CD82: variants seen among roughly 807,000 people sequenced by gnomAD.
CD82 encodes CD82 antigen.
In CD82, 36 loss-of-function variants were observed where a neutral mutation model predicts 37.4. The observed-to-expected ratio is 0.96, with a 90% CI of 0.74 to 1.27. The LOEUF is 1.27. Ranked by LOEUF, CD82 falls within the 50% of genes most tolerant of loss-of-function variation. The probability of loss-of-function intolerance (pLI) is 0.00; values close to 1 mark genes in which losing one functional copy is unlikely to be tolerated. For missense variants in CD82, 340 were observed against 347.0 expected (o/e 0.98, Z 0.16); for synonymous variants, 158 against 137.4 (o/e 1.15, Z -1.05).
rs1326323470 is a variant in CD82 at position 44,618,190 on chromosome 11, A to G, written c.467A>G (p.Tyr156Cys). Reference protein sequence around the residue: ...QVKCCGWVSFYNWTDNAELMN... With the variant: ...QVKCCGWVSFCNWTDNAELMN... ...AAGTGCTGCGGCTGGGTCAGCTTCTACAACTGGACAGACAACGCTGAGCTC... is the reference window on the plus strand; with the variant it reads ...AAGTGCTGCGGCTGGGTCAGCTTCTGCAACTGGACAGACAACGCTGAGCTC... Residue 156 changes from tyrosine (Y) to cysteine (C), a missense_variant, in exon 8 of 10, where the codon TAC becomes TGC. By Grantham distance (194) the Tyr-to-Cys change is radical (BLOSUM62 -2). Coordinates refer to ENST00000227155, the MANE Select transcript of CD82 (RefSeq NM_002231.4). The G allele has an allele frequency of 1.2e-6, 2 of 1,613,884 alleles. No homozygotes were observed. The highest frequency in any genetic ancestry group is 1.7e-5 in the Admixed American group (1 of 60,010).
chr11:44,603,027 T>C (rs1853329951), intron 4 of CD82, among the ~76,000 whole-genome samples: 1 of 152,234 alleles, frequency 6.6e-6, no homozygotes, highest in Non-Finnish European at 1.5e-5. Flanking sequence ...TGTTCAGGGC[T>C]GGCACACGGC....
At chr11:44,604,913 G>C in intron 4 of CD82, 145 bp from the exon 5 acceptor site, 1 of 1,148,130 alleles carries the variant, frequency 8.7e-7, no homozygotes, top group Non-Finnish European at 1.3e-6. Context: ...CTGGTTCCCT[G>C]TTGGGCAGTG....
At chr11:44,604,281 C>T (rs186195077) in intron 4 of CD82, 4 of 152,600 alleles carry the variant, frequency 2.6e-5, no homozygotes, top group Admixed American at 6.5e-5. Flanking sequence ...ATTTCTTGGC[C>T]GAATGAACAT....
intron 1 of CD82, among the ~76,000 whole-genome samples, chr11:44,577,050 C>T (rs1284040742): frequency 6.6e-6 from 1 of 152,020 alleles, no homozygotes; most frequent in Non-Finnish European, 1.5e-5. Flanking sequence ...TACAAGGGGC[C>T]CAGGATCCCA....
intron 6 of CD82, among the ~76,000 whole-genome samples, chr11:44,613,223 T>A (rs1443800366): frequency 6.6e-6 from 1 of 152,160 alleles, no homozygotes; most frequent in African/African-American, 2.4e-5. Flanking sequence ...CCTTGACCAG[T>A]CCAACCATGC....
intron 1 of CD82, among the ~76,000 whole-genome samples, chr11:44,577,227 T>TCCCA (rs1852906198): frequency 6.6e-6 from 1 of 152,230 alleles, no homozygotes; most frequent in Non-Finnish European, 1.5e-5. Context: ...CCAGCTCGGC[T>TCCCA]GCTTGCTTCT....
At chr11:44,596,116 C>G (rs894902300) in intron 3 of CD82, among the ~76,000 whole-genome samples, 1 of 152,222 alleles carries the variant, frequency 6.6e-6, no homozygotes, top group Non-Finnish European at 1.5e-5. Context: ...CCCTGTGAGG[C>G]CCCACTGTGG....
chr11:44,587,910 G>A (rs965611417), intron 2 of CD82: 2 of 265,356 alleles, frequency 7.5e-6, no homozygotes, highest in African/African-American at 4.4e-5. Flanking sequence ...TGAAAGCCCT[G>A]GTGTTCTTTG....
At position 44,618,167 on chromosome 11, in the gene CD82, G is replaced by A; in HGVS notation, c.444G>A (p.Lys148=). 6.2e-7 allele frequency: 1 copy of A among 1,613,994 alleles called. No homozygotes were observed. The highest frequency in any genetic ancestry group is 8.5e-7 in the Non-Finnish European group (1 of 1,179,952). Residue 148 remains lysine, a synonymous_variant, in exon 8 of 10, where the codon AAG becomes AAA. Transcript: ENST00000227155. Reference sequence around the variant, plus strand: ...CTGTCCCCTGCCTTGCCCAGGTGAAGTGCTGCGGCTGGGTCAGCTTCTACA... The same window carrying A: ...CTGTCCCCTGCCTTGCCCAGGTGAAATGCTGCGGCTGGGTCAGCTTCTACA... ...DAWDYVQAQV[K]CCGWVSFYNW...
Position 44,600,776 on chromosome 11 carries a change from A to G in CD82, c.136+546A>G, listed in dbSNP as rs1361901458. Among the ~76,000 whole-genome samples the G allele has an allele frequency of 2.0e-5, 3 of 152,172 alleles. No individual in the cohort carries two copies. In the East Asian group the frequency reaches 5.8e-4, roughly 29 times the overall value. ...CAGTTTGCACCGATAAACTGTCTTA[A>G]TCCCACCACAGCCCTGTGAGGTAGA... is the stretch of plus-strand genomic sequence containing the variant. On this transcript the variant is annotated intron_variant, in intron 4 of 9. Coordinates refer to ENST00000227155, the MANE Select transcript of CD82 (RefSeq NM_002231.4).
At chr11:44,587,852 G>A (rs1031927106) in intron 2 of CD82, 18 of 317,074 alleles carry the variant, frequency 5.7e-5, no homozygotes, top group South Asian at 1.1e-4. Context: ...CCGTCTCTTC[G>A]GACTCAGGGG....
At chr11:44,591,881 G>T (rs1004174448) in intron 2 of CD82, among the ~76,000 whole-genome samples, 9 of 151,894 alleles carry the variant, frequency 5.9e-5, no homozygotes, top group Non-Finnish European at 8.8e-5. Flanking sequence ...GTGCAGTGGC[G>T]CAATCTCAGC....
chr11:44,567,651 A>T (rs552131001), intron 1 of CD82, among the ~76,000 whole-genome samples: 22 of 152,152 alleles, frequency 1.4e-4, no homozygotes, highest in African/African-American at 5.3e-4. Flanking sequence ...CGTTCATTTC[A>T]ACAGAGCCTA....
chr11:44,619,087 C>A lies in CD82; in HGVS notation c.765C>A (p.His255Gln). 2 of 1,613,836 alleles carry A rather than the reference C, an allele frequency of 1.2e-6. No individual in the cohort carries two copies. Among genetic ancestry groups the A allele is most frequent in the Non-Finnish European group, 1.7e-6 (2 of 1,179,938 alleles). The change falls in exon 10 of 10, where the codon CAC (histidine) becomes CAA (glutamine). Residue 255 changes from histidine (H) to glutamine (Q), a missense_variant. By Grantham distance (24) the His-to-Gln change is conservative. Coordinates refer to ENST00000227155, the MANE Select transcript of CD82 (RefSeq NM_002231.4). ...GMVLSICLCR[H>Q]VHSEDYSKVP... ...TCCTGTCCATCTGCTTGTGCCGGCA[C>A]GTCCATTCCGAAGACTACAGCAAGG...
rs1853545871 is a variant in CD82, at chr11:44,615,266, C to T, written c.337-6C>T. The T allele has an allele frequency of 6.3e-7, 1 of 1,597,814 alleles. No individual in the cohort carries two copies. The highest frequency in any genetic ancestry group is 1.7e-5 in the Admixed American group (1 of 60,000). ...CTGACCCTGACCTTTGTCCTCCCCC[C>T]TGCAGCTGAAGCAGGAGATGGGCGG... On this transcript the variant is annotated splice_polypyrimidine_tract_variant and splice_region_variant and intron_variant, in intron 6 of 9. Coordinates refer to ENST00000227155, the MANE Select transcript of CD82 (RefSeq NM_002231.4).
At chr11:44,610,876 C>T (rs981171345) in intron 6 of CD82, among the ~76,000 whole-genome samples, 2 of 152,022 alleles carry the variant, frequency 1.3e-5, no homozygotes, top group African/African-American at 2.4e-5. Flanking sequence ...GCTCTGTTGC[C>T]CAGGCTGGAG....
intron 1 of CD82, among the ~76,000 whole-genome samples, chr11:44,572,105 G>A (rs1852822493): frequency 6.6e-6 from 1 of 152,212 alleles, no homozygotes; most frequent in Non-Finnish European, 1.5e-5. Context: ...TTATTCAGGG[G>A]AAGGACTCCT....
At chr11:44,596,215 G>T (rs1201589991) in intron 3 of CD82, among the ~76,000 whole-genome samples, 4 of 152,246 alleles carry the variant, frequency 2.6e-5, no homozygotes, top group Non-Finnish European at 5.9e-5. Context: ...GTCTCTCCTG[G>T]CTGCCCTAGG....
chr11:44,617,354 G>T (rs113356119), intron 7 of CD82, among the ~76,000 whole-genome samples: 2,789 of 152,108 alleles, frequency 0.018, 90 homozygotes, highest in African/African-American at 0.064. Flanking sequence ...AGGTCAGGAG[G>T]TCAAGACCAG....
Sources: gnomAD v4.1 joint callset for allele counts (sites outside exome capture counted in the v4.1 genomes callset) on GRCh38, gnomAD v4.1.1 for gene constraint, MANE v1.5 for transcripts, NCBI Gene and HGNC (gene_info 2026-07-23, HGNC 2026-07-21) for gene names.